The following CACNA2D3 variants were observed in gnomAD, a reference collection of about 807,000 sequenced individuals.
CACNA2D3 encodes voltage-dependent calcium channel subunit alpha-2/delta-3.
In CACNA2D3, 60 loss-of-function variants were observed where a neutral mutation model predicts 160.6. The ratio of observed to expected loss-of-function variants is 0.37; its 90% CI spans 0.30 to 0.46. CACNA2D3 has a LOEUF of 0.46. Among genes scored for constraint, CACNA2D3 ranks in the 20% least tolerant of loss-of-function variants. CACNA2D3 has a pLI of 1.00. For missense variants in CACNA2D3, 1,205 were observed against 1,365.0 expected (o/e 0.88, Z 1.85); for synonymous variants, 558 against 492.9 (o/e 1.13, Z -1.75).
chr3:54,634,068 C>G (rs969308067), intron 10 of CACNA2D3, among the ~76,000 whole-genome samples: 1 of 152,206 alleles, frequency 6.6e-6, no homozygotes, highest in East Asian at 1.9e-4. Flanking sequence ...GTTACTGCAA[C>G]TTCAGACTCC....
intron 27 of CACNA2D3, among the ~76,000 whole-genome samples, chr3:54,939,809 T>C (rs1252734303): frequency 1.3e-5 from 2 of 152,180 alleles, no homozygotes; most frequent in African/African-American, 2.4e-5. Flanking sequence ...GTGGGCCTGC[T>C]CCTGCCCTTC....
intron 35 of CACNA2D3, among the ~76,000 whole-genome samples, chr3:55,051,843 A>G (rs1442306207): frequency 6.6e-6 from 1 of 152,128 alleles, no homozygotes; most frequent in Non-Finnish European, 1.5e-5. Flanking sequence ...AAAGCGCAGT[A>G]TTCGGGTGGG....
intron 11 of CACNA2D3, among the ~76,000 whole-genome samples, chr3:54,655,703 C>T (rs1293771252): frequency 1.3e-5 from 2 of 152,056 alleles, no homozygotes; most frequent in Admixed American, 1.3e-4. Flanking sequence ...AATATTTGAC[C>T]AGTTGGTATC....
At chr3:54,708,128 C>T (rs1040165938) in intron 11 of CACNA2D3, among the ~76,000 whole-genome samples, 1 of 152,100 alleles carries the variant, frequency 6.6e-6, no homozygotes, top group Non-Finnish European at 1.5e-5. Flanking sequence ...AACTCAGGGG[C>T]CTTATATTCC....
At chr3:54,392,800 G>A (rs1699303844) in intron 4 of CACNA2D3, among the ~76,000 whole-genome samples, 1 of 152,142 alleles carries the variant, frequency 6.6e-6, no homozygotes, top group South Asian at 2.1e-4. Context: ...AGGAAACCCA[G>A]GAAAGGAGAG....
intron 35 of CACNA2D3, among the ~76,000 whole-genome samples, chr3:55,051,297 T>C (rs1253116358): frequency 6.6e-6 from 1 of 152,164 alleles, no homozygotes; most frequent in Non-Finnish European, 1.5e-5. Context: ...GGATGTCCTT[T>C]CTGTTTGTTA....
At position 54,386,696 on chromosome 3, in the gene CACNA2D3, T is replaced by TTTG; in HGVS notation, c.322-17_322-16insGTT. ...TCTGATCCTTAATGCTGTCTTCTGT[T>TTTG]TTTTTTTTTTTTTTTTAGCGTCTGG... is the stretch of plus-strand genomic sequence containing the variant. On this transcript the variant is annotated intron_variant, in intron 3 of 37. Coordinates refer to ENST00000474759, the MANE Select transcript of CACNA2D3 (RefSeq NM_018398.3). 3.3e-6 allele frequency: 2 copies of TTTG among 606,328 alleles called. No individual in the cohort carries two copies. Among genetic ancestry groups the TTTG allele is most frequent in the African/African-American group, 1.9e-5 (1 of 52,494 alleles). The allele number at this position is 606,328 out of a possible 1,614,324, so 37.6% of individuals were successfully genotyped here. A position where few individuals can be genotyped will look rare whatever the true frequency, so the allele number is the denominator to read the frequency against.
At chr3:54,631,926 C>T (rs1265160226) in intron 10 of CACNA2D3, among the ~76,000 whole-genome samples, 2 of 152,300 alleles carry the variant, frequency 1.3e-5, no homozygotes, top group Non-Finnish European at 2.9e-5. Flanking sequence ...AATTCGGTGA[C>T]ATTTCAAAGA....
chr3:54,636,321 C>T (rs1041281453), intron 10 of CACNA2D3, among the ~76,000 whole-genome samples: 7 of 151,882 alleles, frequency 4.6e-5, no homozygotes, highest in African/African-American at 1.7e-4. Context: ...ATCAGAGAGA[C>T]ACAGTCGTGG....
At chr3:54,186,096 G>A (rs1328635571) in intron 2 of CACNA2D3, among the ~76,000 whole-genome samples, 1 of 152,156 alleles carries the variant, frequency 6.6e-6, no homozygotes, top group African/African-American at 2.4e-5. Context: ...CTCTTGGAGG[G>A]CAGAGACCTT....
intron 16 of CACNA2D3, among the ~76,000 whole-genome samples, chr3:54,839,075 G>A (rs1288343843): frequency 6.6e-6 from 1 of 152,098 alleles, no homozygotes; most frequent in Non-Finnish European, 1.5e-5. Context: ...GGCTAACACG[G>A]TGAAACCCCG....
intron 27 of CACNA2D3, among the ~76,000 whole-genome samples, chr3:54,958,394 AT>A (rs985394713): frequency 6.6e-6 from 1 of 151,990 alleles, no homozygotes; most frequent in Non-Finnish European, 1.5e-5. Flanking sequence ...CCCCACCTCT[AT>A]TTTTTTAAAG....
At chr3:54,986,871 C>T (rs968267804) in intron 30 of CACNA2D3, among the ~76,000 whole-genome samples, 2 of 152,158 alleles carry the variant, frequency 1.3e-5, no homozygotes, top group Admixed American at 6.5e-5. Flanking sequence ...GCACTGCGTA[C>T]GCCCTCCCCC....
intron 13 of CACNA2D3, among the ~76,000 whole-genome samples, chr3:54,816,148 C>A (rs2106711903): frequency 6.6e-6 from 1 of 152,226 alleles, no homozygotes; most frequent in African/African-American, 2.4e-5. Context: ...TTTCCTTGTT[C>A]TTAGAACATC....
rs190197365 is a variant in CACNA2D3, at chr3:54,136,142, C to T, written c.204+12548C>T. On this transcript the variant is annotated intron_variant, in intron 2 of 37. Transcript: ENST00000474759. The stretch of plus-strand genomic sequence containing the variant: ...AATTGCATTTGAGCCTGAATTTCAC[C>T]TAGAGAAAATGTTCCTCCAGTGCAT... Among the ~76,000 whole-genome samples the T allele has an allele frequency of 3.9e-5, 6 of 152,290 alleles. No homozygotes were observed. The East Asian group carries it at 9.7e-4, about 25-fold the overall frequency.
intron 18 of CACNA2D3, among the ~76,000 whole-genome samples, chr3:54,878,289 C>T (rs566825369): frequency 6.6e-6 from 1 of 152,106 alleles, no homozygotes; most frequent in Admixed American, 6.5e-5. Flanking sequence ...CCTTCTCTGT[C>T]GTCTTGCCTT....
chr3:54,937,376 T>C (rs948488090), intron 27 of CACNA2D3, among the ~76,000 whole-genome samples: 3 of 152,138 alleles, frequency 2.0e-5, no homozygotes, highest in Admixed American at 1.3e-4. Context: ...CCTCGGTATA[T>C]GAGGGGGATT....
chr3:54,926,504 A>G (rs1457816817), intron 27 of CACNA2D3, among the ~76,000 whole-genome samples: 5 of 79,220 alleles, frequency 6.3e-5, no homozygotes, highest in African/African-American at 1.0e-4. Context: ...TGCCTGTCAA[A>G]TACACACACA....
intron 10 of CACNA2D3, among the ~76,000 whole-genome samples, chr3:54,641,574 C>G (rs1456567008): frequency 6.6e-6 from 1 of 152,152 alleles, no homozygotes; most frequent in Non-Finnish European, 1.5e-5. Context: ...ATGCAAATAT[C>G]CCCCACAGGA....
Sources: gnomAD v4.1 joint callset for allele counts (sites outside exome capture counted in the v4.1 genomes callset) on GRCh38, gnomAD v4.1.1 for gene constraint, MANE v1.5 for transcripts, NCBI Gene and HGNC (gene_info 2026-07-23, HGNC 2026-07-21) for gene names.